The following ERC2 variants were observed in gnomAD, a reference collection of about 807,000 sequenced individuals.
ERC2 encodes the protein ERC protein 2.
In ERC2, 42 loss-of-function variants were observed where a neutral mutation model predicts 114.8. The ratio of observed to expected loss-of-function variants is 0.37; its 90% CI spans 0.29 to 0.47. ERC2 has a LOEUF of 0.47. ERC2 is among the 20% of genes least tolerant of loss of function. The probability of loss-of-function intolerance (pLI) is 0.99; values close to 1 mark genes in which losing one functional copy is unlikely to be tolerated. For synonymous variants in ERC2, 454 were observed against 425.5 expected, an observed-to-expected ratio of 1.07 and a Z score of -0.82; for missense variants, 939 against 1,150.7, an observed-to-expected ratio of 0.82 and a Z score of 2.66.
intron 12 of ERC2, among the ~76,000 whole-genome samples, chr3:55,981,448 T>C (rs2070130090): frequency 6.6e-6 from 1 of 152,238 alleles, no homozygotes; most frequent in Non-Finnish European, 1.5e-5. Flanking sequence ...ATTATTTTTC[T>C]TAGTGGCCAA....
At chr3:55,734,668 G>T in intron 15 of ERC2, 103 bp downstream of exon 15, 1 of 1,409,576 alleles carries the variant, frequency 7.1e-7, no homozygotes, top group African/African-American at 1.4e-5. Context: ...AGGAGCTTGA[G>T]CCCACAGGAT....
chr3:55,998,300 C>G (rs1463138177), intron 10 of ERC2, among the ~76,000 whole-genome samples: 1 of 151,974 alleles, frequency 6.6e-6, no homozygotes, highest in African/African-American at 2.4e-5. Context: ...CTTAATACTT[C>G]TAAAGATCCC....
intron 7 of ERC2, among the ~76,000 whole-genome samples, chr3:56,045,261 A>AT (rs1315432124): frequency 5.3e-5 from 8 of 152,144 alleles, no homozygotes; most frequent in African/African-American, 1.7e-4. Flanking sequence ...TTTACTTTTT[A>AT]TTTTCATTTT....
chr3:55,784,275 G>A (rs534479654), intron 14 of ERC2, among the ~76,000 whole-genome samples: 1 of 152,224 alleles, frequency 6.6e-6, no homozygotes, highest in South Asian at 2.1e-4. Flanking sequence ...AATGAAGACT[G>A]TGAGAGAAAC....
chr3:56,299,058 T>A (rs969817818), intron 2 of ERC2, among the ~76,000 whole-genome samples: 1 of 151,208 alleles, frequency 6.6e-6, no homozygotes, highest in Non-Finnish European at 1.5e-5. Context: ...ATTTTATATA[T>A]CTATATATAT....
chr3:55,762,349 T>A (rs1001988163), intron 14 of ERC2, among the ~76,000 whole-genome samples: 1 of 152,170 alleles, frequency 6.6e-6, no homozygotes, highest in Non-Finnish European at 1.5e-5. Flanking sequence ...TTCCTGGGTC[T>A]TCCTGTCTGC....
At chr3:56,125,607 A>G (rs1028829955) in intron 6 of ERC2, among the ~76,000 whole-genome samples, 1 of 152,160 alleles carries the variant, frequency 6.6e-6, no homozygotes, top group African/African-American at 2.4e-5. Context: ...AAAAAGCCCA[A>G]CTGATTCCAC....
At chr3:55,872,075 A>T (rs2062610650) in intron 14 of ERC2, among the ~76,000 whole-genome samples, 1 of 152,214 alleles carries the variant, frequency 6.6e-6, no homozygotes, top group South Asian at 2.1e-4. Context: ...ATGAGCTGAT[A>T]ATCGCTGAAA....
chr3:56,467,495 C>G (rs980812311), intron 1 of ERC2, among the ~76,000 whole-genome samples: 1 of 152,110 alleles, frequency 6.6e-6, no homozygotes, highest in South Asian at 2.1e-4. Flanking sequence ...TTTATTACCC[C>G]GAACCAAAGC....
At chr3:55,935,263 T>C (rs2066367332) in intron 13 of ERC2, among the ~76,000 whole-genome samples, 1 of 152,166 alleles carries the variant, frequency 6.6e-6, no homozygotes, top group South Asian at 2.1e-4. Context: ...CAGAAAGCTT[T>C]TGAGTAATAG....
At chr3:56,370,586 G>GTTTT (rs1560690146) in intron 2 of ERC2, among the ~76,000 whole-genome samples, 7 of 145,506 alleles carry the variant, frequency 4.8e-5, no homozygotes, top group African/African-American at 1.0e-4. Context: ...TTTTGGTGGG[G>GTTTT]GTTTTTTTGT....
chr3:55,923,715 C>T (rs1023433813), intron 13 of ERC2, among the ~76,000 whole-genome samples: 2 of 152,090 alleles, frequency 1.3e-5, no homozygotes, highest in Non-Finnish European at 2.9e-5. Flanking sequence ...TTGTGGTAGA[C>T]AGAATCACAA....
chr3:55,918,831 C>G (rs1397716440), intron 13 of ERC2, among the ~76,000 whole-genome samples: 1 of 150,738 alleles, frequency 6.6e-6, no homozygotes, highest in Non-Finnish European at 1.5e-5. Flanking sequence ...ATGAAGAAGA[C>G]TAGCTAAAGA....
intron 6 of ERC2, among the ~76,000 whole-genome samples, chr3:56,091,196 C>T (rs2149785462): frequency 6.6e-6 from 1 of 151,994 alleles, no homozygotes; most frequent in Middle Eastern, 3.4e-3. Context: ...GCTGTCACAA[C>T]TAGGATGGAG....
At chr3:56,231,974 T>C (rs1217971354) in intron 3 of ERC2, among the ~76,000 whole-genome samples, 1 of 152,022 alleles carries the variant, frequency 6.6e-6, no homozygotes, top group Non-Finnish European at 1.5e-5. Flanking sequence ...ACATAGTTTT[T>C]TTTTTTTCTT....
intron 3 of ERC2, among the ~76,000 whole-genome samples, chr3:56,204,950 G>GTGTGTT (rs2048631529): frequency 7.1e-6 from 1 of 141,836 alleles, no homozygotes; most frequent in East Asian, 2.2e-4. Context: ...GTGTGTGTGT[G>GTGTGTT]TGTATGTCTG....
chr3:56,264,305 C>CATGACTTGGGGGAGT, intron 3 of ERC2, among the ~76,000 whole-genome samples: 1 of 152,082 alleles, frequency 6.6e-6, no homozygotes, highest in Non-Finnish European at 1.5e-5. Flanking sequence ...CTAGCAAGAT[C>CATGACTTGGGGGAGT]AATAAGGCAG....
At chr3:55,831,457 G>A (rs1414141086) in intron 14 of ERC2, among the ~76,000 whole-genome samples, 3 of 148,276 alleles carry the variant, frequency 2.0e-5, no homozygotes, top group Admixed American at 2.0e-4. Flanking sequence ...GGGAGAGGAG[G>A]GAAGGGCAGG....
chr3:55,717,921 T>C (rs1315908168), intron 15 of ERC2, among the ~76,000 whole-genome samples: 1 of 152,208 alleles, frequency 6.6e-6, no homozygotes, highest in East Asian at 1.9e-4. Flanking sequence ...CAGAGTTCCA[T>C]GGAACATTCC....
Sources: allele counts gnomAD v4.1 joint callset (sites outside exome capture counted in the v4.1 genomes callset), GRCh38; gene constraint gnomAD v4.1.1; transcripts MANE v1.5; gene names NCBI Gene and HGNC (gene_info 2026-07-23, HGNC 2026-07-21).